DERL1: variants seen among roughly 807,000 people sequenced by gnomAD.
The protein encoded by DERL1 is derlin-1.
DERL1 carries 24 observed loss-of-function variants against 41.6 expected under a neutral mutation model. The observed-to-expected ratio is 0.58, with a 90% confidence interval of 0.42 to 0.81. The LOEUF is 0.81. Among genes scored for constraint, DERL1 ranks in the 30% least tolerant of loss-of-function variants. DERL1 has a pLI of 0.00. For missense variants in DERL1, 260 were observed against 314.3 expected, an observed-to-expected ratio of 0.83 and a Z score of 1.31; for synonymous variants, 124 against 112.5, an observed-to-expected ratio of 1.10 and a Z score of -0.65.
chr8:123,015,238 C>T lies in DERL1; in HGVS notation c.*209G>A. ...GCAATTTGCACAGTTGGTATTTGTT[C>T]TTCACAGCAGTAAGGACTTGAATGA... is the stretch of plus-strand genomic sequence containing the variant. On this transcript the variant is annotated 3_prime_UTR_variant, in exon 8 of 8. Transcript: ENST00000259512. 1 of 628,656 alleles carries T rather than the reference C, an allele frequency of 1.6e-6. No individual in the cohort carries two copies. Among genetic ancestry groups the T allele is most frequent in the South Asian group, 3.5e-5 (1 of 28,898 alleles). The allele number at this position is 628,656 out of a possible 1,614,324, so 38.9% of individuals were successfully genotyped here.
chr8:123,024,083 C>T (rs984376224), intron 3 of DERL1, among the ~76,000 whole-genome samples: 4 of 152,130 alleles, frequency 2.6e-5, no homozygotes, highest in African/African-American at 9.7e-5. Context: ...CTTCATTATG[C>T]ATATTCCATT....
chr8:123,021,317 C>A, intron 6 of DERL1, 130 bp downstream of exon 6: 1 of 801,634 alleles, frequency 1.2e-6, no homozygotes, highest in Non-Finnish European at 2.0e-6. Flanking sequence ...TGAAATTATT[C>A]CATAAATATA....
At chr8:123,027,707 A>T (rs1812733386) in intron 2 of DERL1, among the ~76,000 whole-genome samples, 1 of 152,208 alleles carries the variant, frequency 6.6e-6, no homozygotes, top group African/African-American at 2.4e-5. Context: ...TTGTTGTATT[A>T]CCTGACCAGG....
Position 123,015,384 on chromosome 8 carries a change from T to C in DERL1, c.*63A>G, listed in dbSNP as rs1195182991. On this transcript the variant is annotated 3_prime_UTR_variant, in exon 8 of 8. Transcript: ENST00000259512. ...ACAGTGTTAGCCAGAACGCAGTTGT[T>C]AAGTGCACCCAGCACTGGGAGGAAA... 1 of 1,582,036 alleles carries C rather than the reference T, an allele frequency of 6.3e-7. No individual in the cohort carries two copies. Among genetic ancestry groups the C allele is most frequent in the African/African-American group, 1.3e-5 (1 of 74,456 alleles).
rs1812801076 is a variant in DERL1 at position 123,030,631 on chromosome 8, T to C, written c.239A>G (p.Tyr80Cys). The change falls in exon 2 of 8, where the codon TAT (tyrosine) becomes TGT (cysteine). Residue 80 changes from tyrosine (Y) to cysteine (C), a missense_variant. Tyr to Cys is a radical substitution (Grantham distance 194). Transcript: ENST00000259512. ...TGTTTCAAGTCGCGTAGAATACTGATATAAGAAATATAAATTGACCAAATA... is the reference window on the plus strand; with the variant it reads ...TGTTTCAAGTCGCGTAGAATACTGACATAAGAAATATAAATTGACCAAATA... Reference protein sequence around the residue: ...FLYLVNLYFLYQYSTRLETGA... With the variant: ...FLYLVNLYFLCQYSTRLETGA... 3 of 1,609,128 alleles carry C rather than the reference T, an allele frequency of 1.9e-6. No individual in the cohort carries two copies. The highest frequency in any genetic ancestry group is 2.2e-5 in the South Asian group (2 of 89,914).
At chr8:123,034,758 A>G (rs1337211652) in intron 1 of DERL1, among the ~76,000 whole-genome samples, 1 of 152,200 alleles carries the variant, frequency 6.6e-6, no homozygotes, top group Non-Finnish European at 1.5e-5. Flanking sequence ...TAAACCTACT[A>G]ATTAATTCTC....
At chr8:123,032,403 G>A (rs1340189351) in intron 1 of DERL1, among the ~76,000 whole-genome samples, 1 of 152,180 alleles carries the variant, frequency 6.6e-6, no homozygotes. Context: ...CCAAAGTGCT[G>A]GGATTACAGG....
In DERL1 at chr8:123,015,193, C is replaced by T; in HGVS notation, c.*254G>A. On this transcript the variant is annotated 3_prime_UTR_variant, in exon 8 of 8. Coordinates refer to ENST00000259512, the MANE Select transcript of DERL1 (RefSeq NM_024295.6). ...ACGGAAAGGGGAGAAGAGAAGACAC[C>T]AAAAAATGTAGTCAGTTTTGCAATT... The T allele has an allele frequency of 2.5e-6, 1 of 402,096 alleles. No individual in the cohort carries two copies. The highest frequency in any genetic ancestry group is 4.3e-6 in the Non-Finnish European group (1 of 231,712). 24.9% of individuals were successfully genotyped at this position (402,096 alleles called of 1,614,324 possible).
chr8:123,026,351 G>A (rs1812690681), intron 2 of DERL1, among the ~76,000 whole-genome samples: 1 of 152,166 alleles, frequency 6.6e-6, no homozygotes. Context: ...GGAGTCTTTA[G>A]ACTGAGTACT....
rs1059588 is a variant in DERL1, at chr8:123,014,660, T to C, written c.*787A>G. ...AAACGCAAAGGGGTTGCATCCCCCA[T>C]GGTTTAAACCTAACCCATGTTAGCT... is the stretch of plus-strand genomic sequence containing the variant. On this transcript the variant is annotated 3_prime_UTR_variant, in exon 8 of 8. Transcript: ENST00000259512. 13,122 of 152,330 alleles carry C rather than the reference T, an allele frequency of 0.086. 708 individuals are homozygous for C. The highest frequency in any genetic ancestry group is 0.16 in the East Asian group (808 of 5,188). 9.4% of individuals were successfully genotyped at this position (152,330 alleles called of 1,614,324 possible).
At chr8:123,029,799 C>T (rs574393516) in intron 2 of DERL1, among the ~76,000 whole-genome samples, 3 of 152,274 alleles carry the variant, frequency 2.0e-5, no homozygotes, top group African/African-American at 7.2e-5. Context: ...TTGACTCACA[C>T]CTGTAATCCC....
chr8:123,013,430 A>G lies in DERL1; in HGVS notation c.*2017T>C, dbSNP rs1814466679. The G allele has an allele frequency of 6.6e-6, 1 of 151,094 alleles. No individual in the cohort carries two copies. Among genetic ancestry groups the G allele is most frequent in the Non-Finnish European group, 1.5e-5 (1 of 67,750 alleles). The allele number at this position is 151,094 out of a possible 1,614,324, so 9.4% of individuals were successfully genotyped here. A position where few individuals can be genotyped will look rare whatever the true frequency, so the allele number is the denominator to read the frequency against. On this transcript the variant is annotated 3_prime_UTR_variant, in exon 8 of 8. Coordinates refer to ENST00000259512, the MANE Select transcript of DERL1 (RefSeq NM_024295.6). ...GGGAAGTCCTTTATACAAAATAAGG[A>G]TTTTTTTTTTCCATTTGTAAAGAGA... is the stretch of plus-strand genomic sequence containing the variant.
chr8:123,022,245 C>T (rs1023399358), intron 5 of DERL1, among the ~76,000 whole-genome samples: 3 of 152,090 alleles, frequency 2.0e-5, no homozygotes, highest in South Asian at 2.1e-4. Flanking sequence ...AGGATTTATA[C>T]AAAGAAGAGA....
At chr8:123,021,111 A>G (rs567710727) in intron 6 of DERL1, among the ~76,000 whole-genome samples, 23 of 152,342 alleles carry the variant, frequency 1.5e-4, no homozygotes, top group Admixed American at 1.2e-3. Context: ...AATTTTATAC[A>G]TAGCTCTTAG....
intron 1 of DERL1, among the ~76,000 whole-genome samples, chr8:123,035,165 C>T (rs900342724): frequency 6.6e-6 from 1 of 152,192 alleles, no homozygotes; most frequent in African/African-American, 2.4e-5. Flanking sequence ...TTTTTAGTCA[C>T]TGTTTGCACC....
At chr8:123,029,825 T>C (rs6470129) in intron 2 of DERL1, among the ~76,000 whole-genome samples, 127,423 of 152,006 alleles carry the variant, frequency 0.84, 53,586 homozygotes, top group Middle Eastern at 0.88. Flanking sequence ...TTTGGGAGGC[T>C]GAGGCAGACA....
At chr8:123,035,925 A>G (rs1244776076) in intron 1 of DERL1, among the ~76,000 whole-genome samples, 1 of 152,134 alleles carries the variant, frequency 6.6e-6, no homozygotes, top group African/African-American at 2.4e-5. Flanking sequence ...TTCGGACTTA[A>G]GTATATATCA....
chr8:123,041,912 G>A (rs1813084196), intron 1 of DERL1, 58 bp downstream of exon 1: 2 of 1,503,638 alleles, frequency 1.3e-6, no homozygotes, highest in Non-Finnish European at 1.8e-6. Context: ...CCTACGCTTA[G>A]CCGCCGCTGG....
rs767779165 is a variant in DERL1, at chr8:123,019,213, A to G, written c.599T>C (p.Leu200Pro). ...YPMDLGGRNF[L>P]STPQFLYRWL... Reference sequence around the variant, plus strand: ...CACTTACAAAAACTGAGGTGTGGATAGAAAATTTCTTCCTCCCAAGTCCAT... The same window carrying G: ...CACTTACAAAAACTGAGGTGTGGATGGAAAATTTCTTCCTCCCAAGTCCAT... The change falls in exon 7 of 8, where the codon CTA becomes CCA. Residue 200 changes from leucine (L) to proline (P), a missense_variant. Leu to Pro is a moderately conservative substitution (Grantham distance 98). Transcript: ENST00000259512. 2 of 1,612,596 alleles carry G rather than the reference A, an allele frequency of 1.2e-6. No homozygotes were observed. The highest frequency in any genetic ancestry group is 1.7e-6 in the Non-Finnish European group (2 of 1,178,606).
Sources: allele counts gnomAD v4.1 joint callset (sites outside exome capture counted in the v4.1 genomes callset), GRCh38; gene constraint gnomAD v4.1.1; transcripts MANE v1.5; gene names NCBI Gene and HGNC (gene_info 2026-07-23, HGNC 2026-07-21).